The following LRP1 variants were observed in gnomAD, a reference collection of about 807,000 sequenced individuals.
LRP1 encodes the protein LDL receptor related protein 1.
In LRP1, 51 loss-of-function variants were observed where a neutral mutation model predicts 541.5. The ratio of observed to expected loss-of-function variants is 0.09; its 90% CI spans 0.08 to 0.12. The LOEUF (loss-of-function observed/expected upper bound fraction) is 0.12, where lower values mean the gene tolerates loss of function less well. Ranked by LOEUF, LRP1 falls within the 10% of genes least tolerant of loss-of-function variation. The probability of loss-of-function intolerance (pLI) is 1.00; values close to 1 mark genes in which losing one functional copy is unlikely to be tolerated. For synonymous variants in LRP1, 2,219 were observed against 2,470.8 expected, an observed-to-expected ratio of 0.90 and a Z score of 3.02; for missense variants, 3,878 against 6,376.2, an observed-to-expected ratio of 0.61 and a Z score of 13.34.
In LRP1 at chr12:57,198,649, G is replaced by A. The variant is rs144311852; in HGVS notation, c.9655G>A (p.Asp3219Asn). Reference sequence around the variant, plus strand: ...GGACTACATTGAATTTGCCAGCCTGGATGGCTCCAATCGCCACGTTGGTCA... The same window carrying A: ...GGACTACATTGAATTTGCCAGCCTGAATGGCTCCAATCGCCACGTTGGTCA... ...REDYIEFASL[D>N]GSNRHVVLSQ... Residue 3219 changes from aspartate (D) to asparagine (N), a missense_variant, in exon 60 of 89, where the codon GAT becomes AAT. Coordinates refer to ENST00000243077, the MANE Select transcript of LRP1 (RefSeq NM_002332.3). 4 of 1,611,638 alleles carry A rather than the reference G, an allele frequency of 2.5e-6. No homozygotes were observed. In the African/African-American group the frequency reaches 5.3e-5, roughly 21 times the overall value.
chr12:57,189,056 C>T lies in LRP1; in HGVS notation c.7031+1600C>T, dbSNP rs1307016729. 2.0e-5 allele frequency among the ~76,000 whole-genome samples: 3 copies of T among 152,206 alleles called. No homozygotes were observed. The highest frequency in any genetic ancestry group is 4.4e-5 in the Non-Finnish European group (3 of 68,030). Reference sequence around the variant, plus strand: ...CCAGCCTCCTCCTGAGCCCTCCCCGCGTCAGCACTGGAGCACTGATGGCCC... The same window carrying T: ...CCAGCCTCCTCCTGAGCCCTCCCCGTGTCAGCACTGGAGCACTGATGGCCC... On this transcript the variant is annotated intron_variant, in intron 42 of 88. Coordinates refer to ENST00000243077, the MANE Select transcript of LRP1 (RefSeq NM_002332.3). The surrounding 1 kb of genome is among the most constrained non-coding windows in gnomAD (Gnocchi z 4.4).
chr12:57,209,564 GGA>G (rs1454261242), intron 79 of LRP1, 126 bp from the exon 80 acceptor site: 3 of 749,584 alleles, frequency 4.0e-6, no homozygotes, highest in African/African-American at 3.4e-5. Flanking sequence ...ACCGGTGTGG[GGA>G]GAGAGAATTT....
At position 57,208,713 on chromosome 12, in the gene LRP1, C is replaced by G; in HGVS notation, c.12041C>G (p.Thr4014Ser). Residue 4014 changes from threonine to serine, a missense_variant and splice_region_variant, in exon 78 of 89, where the codon ACC (threonine) becomes AGC (serine). By Grantham distance (58) the Thr-to-Ser change is moderately conservative. Coordinates refer to ENST00000243077, the MANE Select transcript of LRP1 (RefSeq NM_002332.3). The part of the protein sequence containing the change: ...HAIVVDPLRG[T>S]MYWSDWGNHP... ...ACTCACCCCTTCTCCCTCCCCAGGA[C>G]CATGTACTGGTCAGACTGGGGCAAC... 6.2e-7 allele frequency: 1 copy of G among 1,610,384 alleles called. No homozygotes were observed. The highest frequency in any genetic ancestry group is 1.7e-4 in the Middle Eastern group (1 of 6,054).
In LRP1 at chr12:57,205,625, C is replaced by T; in HGVS notation, c.11538C>T (p.Leu3846=). 6.2e-7 allele frequency: 1 copy of T among 1,613,714 alleles called. No individual in the cohort carries two copies. Among genetic ancestry groups the T allele is most frequent in the Non-Finnish European group, 8.5e-7 (1 of 1,180,036 alleles). ...QLCNNTKGGH[L]CSCARNFMKT... Reference sequence around the variant, plus strand: ...GCAACAACACCAAGGGCGGCCACCTCTGCAGCTGCGCTCGGAACTTCATGA... The same window carrying T: ...GCAACAACACCAAGGGCGGCCACCTTTGCAGCTGCGCTCGGAACTTCATGA... Residue 3846 remains leucine (L), a synonymous_variant, in exon 75 of 89, where the codon CTC becomes CTT. Transcript: ENST00000243077. This position sits in a 1 kb window ranked among gnomAD's most constrained non-coding sequence, Gnocchi z 4.6.
At chr12:57,180,874 C>A (rs1230889446) in intron 33 of LRP1, 67 bp downstream of exon 33, 1 of 1,594,318 alleles carries the variant, frequency 6.3e-7, no homozygotes, top group African/African-American at 1.3e-5. Flanking sequence ...GAGCTGCAGG[C>A]TGCAGGGCCA....
rs987214458 is a variant in LRP1 at position 57,212,724 on chromosome 12, G to GT, written c.*170dup. 4.2e-6 allele frequency: 3 copies of GT among 721,564 alleles called. No homozygotes were observed. In the African/African-American group the frequency reaches 5.4e-5, roughly 13 times the overall value. 44.7% of individuals were successfully genotyped at this position (721,564 alleles called of 1,614,324 possible). On this transcript the variant is annotated 3_prime_UTR_variant, in exon 89 of 89. Transcript: ENST00000243077. This position sits in a 1 kb window ranked among gnomAD's most constrained non-coding sequence, Gnocchi z 5.0. ...GCGAGCAAGCCGGCAAGCGAGCACA[G>GT]TATTATTTCTCCATCCCCTCCCTGC...
At chr12:57,194,925 C>A in intron 50 of LRP1, 60 bp from the exon 51 acceptor site, 1 of 1,401,580 alleles carries the variant, frequency 7.1e-7, no homozygotes, top group Non-Finnish European at 1.0e-6. Context: ...ATGGCATCAG[C>A]CTCCCCAGGT....
Position 57,178,973 on chromosome 12 carries a change from G to A in LRP1, c.4690G>A (p.Ala1564Thr), listed in dbSNP as rs150010130. ...CAACTACAACCGGACCGTGTCCTGC[G>A]CCTGCCCCCACCTCATGAAGCTCCA... ...LINYNRTVSC[A>T]CPHLMKLHKD... Residue 1564 changes from alanine to threonine, a missense_variant, in exon 28 of 89, where the codon GCC (alanine) becomes ACC (threonine). Transcript: ENST00000243077. This position sits in a 1 kb window ranked among gnomAD's most constrained non-coding sequence, Gnocchi z 5.8. 134 of 1,614,044 alleles carry A rather than the reference G, an allele frequency of 8.3e-5. No individual in the cohort carries two copies. The African/African-American group carries it at 1.2e-3, about 15-fold the overall frequency.
In LRP1 at chr12:57,165,379, A is replaced by G. The variant is rs1592623956; in HGVS notation, c.2531-426A>G. The G allele has an allele frequency of 5.8e-6, 1 of 170,992 alleles. No individual in the cohort carries two copies. Among genetic ancestry groups the G allele is most frequent in the East Asian group, 1.6e-4 (1 of 6,386 alleles). The allele number at this position is 170,992 out of a possible 1,614,324, so 10.6% of individuals were successfully genotyped here. On this transcript the variant is annotated intron_variant, in intron 15 of 88. Transcript: ENST00000243077. The surrounding 1 kb of genome is among the most constrained non-coding windows in gnomAD (Gnocchi z 4.5). ...GTGGAGCCTGCGCGGATGTGGTGCC[A>G]TCTTCACTTCTGCTGGTGGGACCGA...
chr12:57,180,311 G>A lies in LRP1; in HGVS notation c.5237-19G>A. The A allele has an allele frequency of 6.2e-7, 1 of 1,613,178 alleles. No individual in the cohort carries two copies. Among genetic ancestry groups the A allele is most frequent in the Non-Finnish European group, 8.5e-7 (1 of 1,179,342 alleles). Reference sequence around the variant, plus strand: ...CAGCCCTGGGCCAGACTCCCCGGCAGTGACTCCCCCTTTTCCAGGCCTGGC... The same window carrying A: ...CAGCCCTGGGCCAGACTCCCCGGCAATGACTCCCCCTTTTCCAGGCCTGGC... On this transcript the variant is annotated intron_variant, in intron 31 of 88. Coordinates refer to ENST00000243077, the MANE Select transcript of LRP1 (RefSeq NM_002332.3).
Position 57,177,228 on chromosome 12 carries a change from A to T in LRP1, c.4179A>T (p.Ala1393=), listed in dbSNP as rs768364494. 1.1e-5 allele frequency: 17 copies of T among 1,614,018 alleles called. No individual in the cohort carries two copies. Among genetic ancestry groups the T allele is most frequent in the Middle Eastern group, 1.6e-4 (1 of 6,084 alleles). Residue 1393 remains alanine, a synonymous_variant, in exon 25 of 89, where the codon GCA becomes GCT. Coordinates refer to ENST00000243077, the MANE Select transcript of LRP1 (RefSeq NM_002332.3). The surrounding 1 kb of genome is among the most constrained non-coding windows in gnomAD (Gnocchi z 6.8). ...AGDIEHPRAI[A]LDPRDGILFW... is the part of the protein sequence containing the mutation. ...ACATTGAGCACCCAAGGGCAATCGC[A>T]CTGGATCCCCGGGATGGGTGAGGAC...
Position 57,206,977 on chromosome 12 carries a change from C to T in LRP1, c.11859+236C>T, listed in dbSNP as rs1297192612. Among the ~76,000 whole-genome samples the T allele has an allele frequency of 2.0e-5, 3 of 152,196 alleles. No individual in the cohort carries two copies. Among genetic ancestry groups the T allele is most frequent in the Non-Finnish European group, 4.4e-5 (3 of 68,026 alleles). Reference sequence around the variant, plus strand: ...AAAAATTTGGCTGAGCGCGGTGGCTCATGCCTGTAATCCCAGCACTTTGGG... The same window carrying T: ...AAAAATTTGGCTGAGCGCGGTGGCTTATGCCTGTAATCCCAGCACTTTGGG... On this transcript the variant is annotated intron_variant, in intron 76 of 88. Transcript: ENST00000243077. The surrounding 1 kb of genome is among the most constrained non-coding windows in gnomAD (Gnocchi z 4.7).
chr12:57,185,290 G>A lies in LRP1; in HGVS notation c.6463+85G>A. ...GCTCCCCAGGGAACCCAGTGTGAGA[G>A]GGCTGGGAGACAAGTTAGACCCATG... On this transcript the variant is annotated intron_variant, in intron 40 of 88. Transcript: ENST00000243077. The surrounding 1 kb of genome is among the most constrained non-coding windows in gnomAD (Gnocchi z 4.9). 6.4e-7 allele frequency: 1 copy of A among 1,556,964 alleles called. No individual in the cohort carries two copies.
chr12:57,176,007 A>C lies in LRP1; in HGVS notation c.3892A>C (p.Asn1298His). The C allele has an allele frequency of 6.2e-7, 1 of 1,614,212 alleles. No individual in the cohort carries two copies. Among genetic ancestry groups the C allele is most frequent in the Non-Finnish European group, 8.5e-7 (1 of 1,180,044 alleles). The change falls in exon 24 of 89, where the codon AAC becomes CAC. Residue 1298 changes from asparagine to histidine, a missense_variant. Asn to His is a moderately conservative substitution (Grantham distance 68, BLOSUM62 1). This residue lies in a region of LRP1 where 320 missense variants were observed against 547.9 expected (regional missense o/e 0.58). Coordinates refer to ENST00000243077, the MANE Select transcript of LRP1 (RefSeq NM_002332.3). ...CAGCGTCCTGGTGCCCGGCCTGCGC[A>C]ACACCATCGCCCTGGACTTCCACCT... ...DYSVLVPGLRNTIALDFHLSQ... is the reference protein window; with the variant it reads ...DYSVLVPGLRHTIALDFHLSQ...
intron 1 of LRP1, among the ~76,000 whole-genome samples, chr12:57,138,028 GTTAGA>G (rs1426656757): frequency 6.6e-6 from 1 of 152,118 alleles, no homozygotes; most frequent in Non-Finnish European, 1.5e-5. Context: ...AAGCAGAGAG[GTTAGA>G]TAAGACCAGC....
In LRP1 at chr12:57,160,999, A is replaced by G; in HGVS notation, c.2086A>G (p.Lys696Glu). The change falls in exon 13 of 89, where the codon AAG becomes GAG. Residue 696 changes from lysine (K) to glutamate (E), a missense_variant. Physicochemically the swap from Lys to Glu is moderately conservative, Grantham distance 56. Coordinates refer to ENST00000243077, the MANE Select transcript of LRP1 (RefSeq NM_002332.3). ...ACACCGAGACATCTTTGTCACCTCC[A>G]AGACAGTGCTTTGGCCCAATGGGCT... is the stretch of plus-strand genomic sequence containing the variant. The part of the protein sequence containing the change: ...GSHRDIFVTS[K>E]TVLWPNGLSL... The G allele has an allele frequency of 1.2e-6, 2 of 1,613,974 alleles. No individual in the cohort carries two copies. The highest frequency in any genetic ancestry group is 1.7e-6 in the Non-Finnish European group (2 of 1,180,018).
chr12:57,140,076 AGAT>A (rs1277774812), intron 2 of LRP1, among the ~76,000 whole-genome samples: 2 of 152,148 alleles, frequency 1.3e-5, no homozygotes, highest in African/African-American at 4.8e-5. Context: ...GAAGTTGCAG[AGAT>A]GATATGACCA....
Position 57,193,778 on chromosome 12 carries a change from G to T in LRP1, c.7804+93G>T, listed in dbSNP as rs1384037613. 4 of 1,607,038 alleles carry T rather than the reference G, an allele frequency of 2.5e-6. No individual in the cohort carries two copies. The East Asian group carries it at 8.9e-5, about 36-fold the overall frequency. On this transcript the variant is annotated intron_variant, in intron 47 of 88. Coordinates refer to ENST00000243077, the MANE Select transcript of LRP1 (RefSeq NM_002332.3). ...TTTGTCCCTGGGCCCCGTGGTGTCTGGTTCAAGGCACTCTGTGACAGGCCA... is the reference window on the plus strand; with the variant it reads ...TTTGTCCCTGGGCCCCGTGGTGTCTTGTTCAAGGCACTCTGTGACAGGCCA...
At chr12:57,190,457 A>C (rs1378144775) in intron 42 of LRP1, among the ~76,000 whole-genome samples, 13 of 152,196 alleles carry the variant, frequency 8.5e-5, no homozygotes, top group Admixed American at 8.5e-4. Context: ...TAAGTTGCCT[A>C]AGGGCACCTA....
Sources: gnomAD v4.1 joint callset for allele counts (sites outside exome capture counted in the v4.1 genomes callset) on GRCh38, gnomAD v4.1.1 for gene constraint, gnomAD v4.1.1 regional missense constraint, Gnocchi (gnomAD v3.1) non-coding constraint, MANE v1.5 for transcripts, NCBI Gene and HGNC (gene_info 2026-07-23, HGNC 2026-07-21) for gene names.